The following GALNTL6 variants were observed in gnomAD, a reference collection of about 807,000 sequenced individuals.
GALNTL6 encodes the protein polypeptide N-acetylgalactosaminyltransferase like 6.
Under a neutral mutation model 73.7 loss-of-function variants are expected in GALNTL6, and 46 were observed. The observed-to-expected ratio is 0.62, with a 90% CI of 0.49 to 0.80. The LOEUF (loss-of-function observed/expected upper bound fraction) is 0.80. Ranked by LOEUF, GALNTL6 falls within the 30% of genes least tolerant of loss-of-function variation. GALNTL6 has a pLI of 0.00. For synonymous variants in GALNTL6, 259 were observed against 263.7 expected, an observed-to-expected ratio of 0.98 and a Z score of 0.17; for missense variants, 604 against 755.0, an observed-to-expected ratio of 0.80 and a Z score of 2.34.
intron 5 of GALNTL6, among the ~76,000 whole-genome samples, chr4:172,570,050 T>A (rs965567901): frequency 1.3e-5 from 2 of 152,210 alleles, no homozygotes; most frequent in African/African-American, 2.4e-5. Context: ...TCATTGATGA[T>A]CTTTGTCAGA....
At chr4:171,889,621 C>T (rs1736704852) in intron 2 of GALNTL6, among the ~76,000 whole-genome samples, 1 of 151,892 alleles carries the variant, frequency 6.6e-6, no homozygotes. Context: ...CGTATGTTGC[C>T]TTATTTTAAT....
At chr4:172,018,203 A>G (rs904129817) in intron 2 of GALNTL6, among the ~76,000 whole-genome samples, 1 of 152,106 alleles carries the variant, frequency 6.6e-6, no homozygotes, top group Non-Finnish European at 1.5e-5. Flanking sequence ...GTAATGGGAT[A>G]CAAGCTTGCC....
chr4:171,959,224 T>TA (rs1739144278), intron 2 of GALNTL6, among the ~76,000 whole-genome samples: 1 of 150,730 alleles, frequency 6.6e-6, no homozygotes, highest in East Asian at 1.9e-4. Flanking sequence ...AATGCAGGAA[T>TA]TTTTTTTTGA....
chr4:171,888,933 T>C (rs1471154784), intron 2 of GALNTL6, among the ~76,000 whole-genome samples: 1 of 152,108 alleles, frequency 6.6e-6, no homozygotes, highest in African/African-American at 2.4e-5. Context: ...TGTTGTATAG[T>C]TCTTTGCCAA....
intron 5 of GALNTL6, among the ~76,000 whole-genome samples, chr4:172,349,266 A>G (rs1415374149): frequency 1.3e-5 from 2 of 152,062 alleles, no homozygotes; most frequent in Non-Finnish European, 2.9e-5. Flanking sequence ...ATAATTTTAT[A>G]TTTACCTTAT....
intron 5 of GALNTL6, among the ~76,000 whole-genome samples, chr4:172,443,552 A>T (rs1407507010): frequency 6.6e-6 from 1 of 152,074 alleles, no homozygotes; most frequent in African/African-American, 2.4e-5. Context: ...TCTTGTATTC[A>T]TTACAATACC....
chr4:172,023,864 AAAACTCTCAGTGCC>A (rs1741475631), intron 2 of GALNTL6, among the ~76,000 whole-genome samples: 3 of 151,930 alleles, frequency 2.0e-5, no homozygotes, highest in Non-Finnish European at 4.4e-5. Context: ...GTGTTTGCTC[AAAACTCTCAGTGCC>A]TTGTAATTAC....
intron 10 of GALNTL6, among the ~76,000 whole-genome samples, chr4:172,973,717 T>C (rs1381738174): frequency 1.3e-5 from 2 of 152,192 alleles, no homozygotes; most frequent in Non-Finnish European, 1.5e-5. Context: ...TAAGTAGTTA[T>C]TGTAAATTTG....
intron 5 of GALNTL6, among the ~76,000 whole-genome samples, chr4:172,467,458 T>C (rs549067983): frequency 3.0e-4 from 46 of 152,318 alleles, no homozygotes; most frequent in Admixed American, 6.5e-4. Context: ...GGCTGATGGT[T>C]GGGGTCCCTT....
intron 5 of GALNTL6, among the ~76,000 whole-genome samples, chr4:172,659,100 T>C (rs1290907036): frequency 6.6e-6 from 1 of 152,228 alleles, no homozygotes; most frequent in African/African-American, 2.4e-5. Context: ...AGGTAGATAC[T>C]ATGATTTGTT....
intron 5 of GALNTL6, among the ~76,000 whole-genome samples, chr4:172,414,780 T>A (rs1744566066): frequency 1.3e-5 from 2 of 152,190 alleles, no homozygotes; most frequent in South Asian, 4.1e-4. Context: ...AAGACTTTAC[T>A]CATCATATGG....
At chr4:172,403,892 A>G (rs1744126010) in intron 5 of GALNTL6, among the ~76,000 whole-genome samples, 1 of 152,050 alleles carries the variant, frequency 6.6e-6, no homozygotes. Context: ...ATATAGAAAT[A>G]AAGTGACAGT....
intron 2 of GALNTL6, among the ~76,000 whole-genome samples, chr4:171,967,664 C>T (rs1230326250): frequency 6.6e-6 from 1 of 151,970 alleles, no homozygotes; most frequent in Non-Finnish European, 1.5e-5. Flanking sequence ...TTTTGTAATA[C>T]AAAAATAACA....
intron 7 of GALNTL6, among the ~76,000 whole-genome samples, chr4:172,824,991 TCC>T (rs1167117009): frequency 1.3e-5 from 2 of 151,384 alleles, no homozygotes; most frequent in African/African-American, 4.8e-5. Context: ...AGATCATCAC[TCC>T]CGCCTTCAAC....
intron 5 of GALNTL6, among the ~76,000 whole-genome samples, chr4:172,617,442 C>CTTTA (rs1206169147): frequency 9.8e-4 from 147 of 149,526 alleles, no homozygotes; most frequent in African/African-American, 3.0e-3. Flanking sequence ...TGCATGTTAA[C>CTTTA]TTTATTTATT....
intron 5 of GALNTL6, among the ~76,000 whole-genome samples, chr4:172,416,534 C>T (rs1349984663): frequency 6.6e-6 from 1 of 152,120 alleles, no homozygotes; most frequent in Non-Finnish European, 1.5e-5. Context: ...GAGAAGCCCC[C>T]ACCTTTTTCA....
chr4:172,389,645 A>T (rs917374967), intron 5 of GALNTL6, among the ~76,000 whole-genome samples: 1 of 152,138 alleles, frequency 6.6e-6, no homozygotes, highest in African/African-American at 2.4e-5. Context: ...AAATAAAATC[A>T]TAGAGAACTA....
At chr4:172,265,681 C>T (rs1308501766) in intron 3 of GALNTL6, among the ~76,000 whole-genome samples, 6 of 151,858 alleles carry the variant, frequency 4.0e-5, no homozygotes, top group Admixed American at 6.6e-5. Flanking sequence ...TTTCCCAAAC[C>T]GTGAACAAAG....
At chr4:172,971,127 T>C (rs1456572992) in intron 10 of GALNTL6, among the ~76,000 whole-genome samples, 1 of 152,182 alleles carries the variant, frequency 6.6e-6, no homozygotes, top group Non-Finnish European at 1.5e-5. Context: ...AATAAAAGAA[T>C]GAGTTTGGCT....
Sources: allele counts gnomAD v4.1 joint callset (sites outside exome capture counted in the v4.1 genomes callset), GRCh38; gene constraint gnomAD v4.1.1; transcripts MANE v1.5; gene names NCBI Gene and HGNC (gene_info 2026-07-23, HGNC 2026-07-21).